AKAP12: variants seen among roughly 807,000 people sequenced by gnomAD.
AKAP12 encodes A-kinase anchor protein 12.
Under a neutral mutation model 79.9 loss-of-function variants are expected in AKAP12, and 32 were observed. The observed-to-expected ratio is 0.40, with a 90% confidence interval of 0.30 to 0.54. The LOEUF (loss-of-function observed/expected upper bound fraction) is 0.54, where lower values mean the gene tolerates loss of function less well. Among genes scored for constraint, AKAP12 ranks in the 20% least tolerant of loss-of-function variants. The pLI, the probability that AKAP12 is intolerant of heterozygous loss-of-function variation, is 0.48. For synonymous variants in AKAP12, 808 were observed against 857.0 expected (o/e 0.94, Z 1.00); for missense variants, 2,074 against 2,177.0 (o/e 0.95, Z 0.94).
rs146039584 is a variant in AKAP12 at position 151,248,879 on chromosome 6, C to T, written c.162+8155C>T. On this transcript the variant is annotated intron_variant, in intron 2 of 4. Transcript: ENST00000402676. ...GTGTGTACCTGTAATCCCAGCTACT[C>T]GGGAGGCTGAGGCAGGAGAATCGCT... Among the ~76,000 whole-genome samples, 806 of 151,856 alleles carry T rather than the reference C, an allele frequency of 5.3e-3. 5 individuals are homozygous for T. Among genetic ancestry groups the T allele is most frequent in the African/African-American group, 0.019 (769 of 41,382 alleles).
At chr6:151,319,411 A>G (rs943520077) in intron 3 of AKAP12, among the ~76,000 whole-genome samples, 1 of 151,174 alleles carries the variant, frequency 6.6e-6, no homozygotes, top group Admixed American at 6.6e-5. Context: ...ATATCTATCT[A>G]TACACACCCT....
At chr6:151,342,996 CAAGT>C (rs1019648940) in intron 3 of AKAP12, among the ~76,000 whole-genome samples, 18 of 152,312 alleles carry the variant, frequency 1.2e-4, no homozygotes, top group African/African-American at 3.8e-4. Flanking sequence ...CTCCTGACCT[CAAGT>C]AAACCGCCTG....
At chr6:151,260,768 C>G (rs1327400948) in intron 2 of AKAP12, among the ~76,000 whole-genome samples, 2 of 149,138 alleles carry the variant, frequency 1.3e-5, no homozygotes, top group African/African-American at 4.9e-5. Flanking sequence ...CCCCAGTGGG[C>G]GGATCACCTG....
At chr6:151,254,979 C>T (rs1797263499) in intron 2 of AKAP12, among the ~76,000 whole-genome samples, 1 of 152,142 alleles carries the variant, frequency 6.6e-6, no homozygotes, top group Admixed American at 6.5e-5. Flanking sequence ...TCTTCAGAAC[C>T]CAGCTTGTTC....
intron 3 of AKAP12, among the ~76,000 whole-genome samples, chr6:151,342,016 T>C (rs994463219): frequency 1.1e-4 from 16 of 152,204 alleles, no homozygotes; most frequent in African/African-American, 3.9e-4. Context: ...GCCAGCAGCC[T>C]ACCTCCCCGA....
chr6:151,242,056 T>C (rs79026524), intron 2 of AKAP12, among the ~76,000 whole-genome samples: 200 of 152,312 alleles, frequency 1.3e-3, no homozygotes, highest in African/African-American at 4.3e-3. Flanking sequence ...GCCTGAGGAA[T>C]GTACTGTCCT....
At chr6:151,303,548 C>G (rs561907031) in intron 2 of AKAP12, among the ~76,000 whole-genome samples, 2 of 152,194 alleles carry the variant, frequency 1.3e-5, no homozygotes, top group Non-Finnish European at 2.9e-5. Context: ...TTCTGGATTG[C>G]GTGTCTTGAA....
chr6:151,309,307 C>CT (rs1454399307), intron 3 of AKAP12, among the ~76,000 whole-genome samples: 4 of 152,344 alleles, frequency 2.6e-5, no homozygotes, highest in African/African-American at 9.6e-5. Flanking sequence ...GTTTCTACCA[C>CT]TGTCCACTTA....
chr6:151,325,614 G>C, intron 3 of AKAP12: 1 of 1,359,732 alleles, frequency 7.4e-7, no homozygotes, highest in Non-Finnish European at 9.5e-7. Context: ...CGTGTGGGTG[G>C]CTGGGTGGGG....
rs186611626 is a variant in AKAP12, at chr6:151,337,431, C to T, written c.320-11280C>T. Among the ~76,000 whole-genome samples the T allele has an allele frequency of 8.7e-5, 13 of 149,218 alleles. No homozygotes were observed. The East Asian group carries it at 1.4e-3, about 16-fold the overall frequency. On this transcript the variant is annotated intron_variant, in intron 3 of 4. Coordinates refer to ENST00000402676, the MANE Select transcript of AKAP12 (RefSeq NM_005100.4). The stretch of plus-strand genomic sequence containing the variant: ...TTGGGAGGCTAGGACAGAAGAATCG[C>T]TTGAACCCAGGAGGCGGAGGTTGCA...
chr6:151,259,528 A>ACC (rs1172111021), intron 2 of AKAP12, among the ~76,000 whole-genome samples: 3 of 147,024 alleles, frequency 2.0e-5, no homozygotes, highest in African/African-American at 7.5e-5. Context: ...ACACACACAC[A>ACC]CACACACACA....
chr6:151,307,626 A>G (rs752182102), intron 3 of AKAP12, among the ~76,000 whole-genome samples: 18 of 152,136 alleles, frequency 1.2e-4, no homozygotes, highest in Non-Finnish European at 1.9e-4. Context: ...TAGCCTGGAA[A>G]TTCTTTTTTA....
chr6:151,249,547 T>C (rs559332200), intron 2 of AKAP12, among the ~76,000 whole-genome samples: 1 of 152,272 alleles, frequency 6.6e-6, no homozygotes, highest in African/African-American at 2.4e-5. Flanking sequence ...GAAACAGAAG[T>C]TCAGTTCTAA....
chr6:151,300,391 C>G (rs1776836668), intron 2 of AKAP12, among the ~76,000 whole-genome samples: 1 of 152,120 alleles, frequency 6.6e-6, no homozygotes, highest in Non-Finnish European at 1.5e-5. Flanking sequence ...CCACTTGCAC[C>G]CGGTCGTCCA....
intron 2 of AKAP12, among the ~76,000 whole-genome samples, chr6:151,265,158 A>C (rs1797527619): frequency 6.6e-6 from 1 of 152,124 alleles, no homozygotes; most frequent in African/African-American, 2.4e-5. Flanking sequence ...CTCAAAAAAA[A>C]AAAAAAAGTT....
At position 151,270,710 on chromosome 6, in the gene AKAP12, A is replaced by G. The variant is rs111799544; in HGVS notation, c.162+29986A>G. Among the ~76,000 whole-genome samples the G allele has an allele frequency of 7.7e-3, 1,177 of 152,310 alleles. 7 individuals carry two copies. Among genetic ancestry groups the G allele is most frequent in the Non-Finnish European group, 0.012 (806 of 68,034 alleles). Reference sequence around the variant, plus strand: ...ACACTTGTTATCTGCCCTTTTGGTTAGAGACATCCTAGTGAGTGTGAAGTG... The same window carrying G: ...ACACTTGTTATCTGCCCTTTTGGTTGGAGACATCCTAGTGAGTGTGAAGTG... On this transcript the variant is annotated intron_variant, in intron 2 of 4. Coordinates refer to ENST00000402676, the MANE Select transcript of AKAP12 (RefSeq NM_005100.4).
intron 3 of AKAP12, among the ~76,000 whole-genome samples, chr6:151,337,867 G>A (rs1186940604): frequency 3.3e-5 from 5 of 151,938 alleles, no homozygotes; most frequent in Admixed American, 3.3e-4. Context: ...AAATCCCTGT[G>A]TCTACTAAAA....
At position 151,295,364 on chromosome 6, in the gene AKAP12, G is replaced by C. The variant is rs114959974; in HGVS notation, c.163-10383G>C. On this transcript the variant is annotated intron_variant, in intron 2 of 4. Coordinates refer to ENST00000402676, the MANE Select transcript of AKAP12 (RefSeq NM_005100.4). ...CTTTCTCATGTCTAAAGATGAGTTTGGGTTATTTCTCCTGAAATTATGGTT... is the reference window on the plus strand; with the variant it reads ...CTTTCTCATGTCTAAAGATGAGTTTCGGTTATTTCTCCTGAAATTATGGTT... Among the ~76,000 whole-genome samples the C allele has an allele frequency of 2.9e-3, 443 of 152,214 alleles. 4 individuals carry two copies. The highest frequency in any genetic ancestry group is 0.01 in the African/African-American group (418 of 41,532).
intron 3 of AKAP12, among the ~76,000 whole-genome samples, chr6:151,312,686 G>A (rs1160408607): frequency 1.3e-5 from 2 of 151,394 alleles, no homozygotes; most frequent in East Asian, 3.9e-4. Flanking sequence ...CAGCCACTTG[G>A]GAGGCTGAAG....
Sources: allele counts gnomAD v4.1 joint callset (sites outside exome capture counted in the v4.1 genomes callset), GRCh38; gene constraint gnomAD v4.1.1; transcripts MANE v1.5; gene names NCBI Gene and HGNC (gene_info 2026-07-23, HGNC 2026-07-21).